The following CERS2 variants were observed in gnomAD, a reference collection of about 807,000 sequenced individuals.
CERS2 encodes LAG1 homolog, ceramide synthase 2.
Under a neutral mutation model 56.6 loss-of-function variants are expected in CERS2, and 20 were observed. That is an observed-to-expected ratio of 0.35 (90% CI 0.25 to 0.51). The LOEUF (loss-of-function observed/expected upper bound fraction) is 0.51, where lower values mean the gene tolerates loss of function less well. Ranked by LOEUF, CERS2 falls within the 20% of genes least tolerant of loss-of-function variation. The pLI is 0.96. For missense variants in CERS2, 361 were observed against 488.6 expected (o/e 0.74, Z 2.46); for synonymous variants, 187 against 175.4 (o/e 1.07, Z -0.52).
Position 150,968,163 on chromosome 1 carries a change from A to G in CERS2, c.330T>C (p.Ser110=). The change falls in exon 4 of 11, where the codon TCT becomes TCC. Residue 110 remains serine (S), a synonymous_variant. Coordinates refer to ENST00000368954, the MANE Select transcript of CERS2 (RefSeq NM_022075.5). ...GGAACCAACGCTCTACCTGGCGGCC[A>G]GAGAGCCCGCTCTGCCGGGACAAAA... ...VELLSRQSGL[S]GRQVERWFRR... 1.2e-6 allele frequency: 2 copies of G among 1,609,612 alleles called. No individual in the cohort carries two copies. The highest frequency in any genetic ancestry group is 1.7e-6 in the Non-Finnish European group (2 of 1,179,994).
chr1:150,967,324 A>G, intron 7 of CERS2, 68 bp downstream of exon 7: 1 of 1,426,804 alleles, frequency 7.0e-7, no homozygotes, highest in Middle Eastern at 1.8e-4. Context: ...CAGAAGTCAA[A>G]GGAGAGGGTG....
chr1:150,969,167 G>A, intron 1 of CERS2, 76 bp from the exon 2 acceptor site: 1 of 1,332,502 alleles, frequency 7.5e-7, no homozygotes, highest in East Asian at 2.3e-5. Flanking sequence ...AAAGTTTTCA[G>A]GATGTATCAA....
intron 1 of CERS2, among the ~76,000 whole-genome samples, chr1:150,973,715 C>A (rs988086180): frequency 1.3e-5 from 2 of 152,232 alleles, no homozygotes; most frequent in Admixed American, 6.5e-5. Flanking sequence ...GGGGTGACTG[C>A]CTGCTGGAGG....
intron 1 of CERS2, among the ~76,000 whole-genome samples, chr1:150,970,658 A>G (rs1571676862): frequency 6.6e-6 from 1 of 152,096 alleles, no homozygotes; most frequent in East Asian, 1.9e-4. Context: ...ACTACCAAGT[A>G]GCACACACCA....
At chr1:150,967,618 A>C in intron 6 of CERS2, 46 bp downstream of exon 6, 1 of 1,529,544 alleles carries the variant, frequency 6.5e-7, no homozygotes, top group South Asian at 1.1e-5. Flanking sequence ...TCTCTTCACT[A>C]GGGTGTGTCT....
rs1671013278 is a variant in CERS2 at position 150,966,301 on chromosome 1, G to A, written c.1003-13C>T. ...CATCTTCTACCAGCTGTGGAAAAGG[G>A]ACAAGAAGGGTTATTACATGAGATC... is the stretch of plus-strand genomic sequence containing the variant. On this transcript the variant is annotated splice_polypyrimidine_tract_variant and intron_variant, in intron 10 of 10. Coordinates refer to ENST00000368954, the MANE Select transcript of CERS2 (RefSeq NM_022075.5). 4 of 1,611,542 alleles carry A rather than the reference G, an allele frequency of 2.5e-6. No individual in the cohort carries two copies. Among genetic ancestry groups the A allele is most frequent in the African/African-American group, 2.7e-5 (2 of 74,658 alleles).
intron 1 of CERS2, among the ~76,000 whole-genome samples, chr1:150,969,625 G>A (rs1671127048): frequency 6.6e-6 from 1 of 151,574 alleles, no homozygotes; most frequent in South Asian, 2.1e-4. Flanking sequence ...GTGATTCCCT[G>A]GAATTAAGAA....
At chr1:150,971,150 TCCCCACC>T (rs1473628761) in intron 1 of CERS2, among the ~76,000 whole-genome samples, 3 of 152,068 alleles carry the variant, frequency 2.0e-5, no homozygotes, top group Non-Finnish European at 2.9e-5. Context: ...TTTTCCAGGC[TCCCCACC>T]CCTTGTTCTC....
chr1:150,969,260 T>C (rs1412774850), intron 1 of CERS2, 169 bp from the exon 2 acceptor site: 7 of 615,278 alleles, frequency 1.1e-5, no homozygotes, highest in Non-Finnish European at 2.0e-5. Flanking sequence ...TCATCTGTAA[T>C]ACGGTGGCTT....
intron 1 of CERS2, among the ~76,000 whole-genome samples, chr1:150,971,444 C>T (rs1671178026): frequency 6.6e-6 from 1 of 151,978 alleles, no homozygotes; most frequent in African/African-American, 2.4e-5. Context: ...CCCCTTGTCC[C>T]CACTCCTGGT....
chr1:150,968,823 G>A, intron 2 of CERS2, 95 bp downstream of exon 2: 2 of 1,241,670 alleles, frequency 1.6e-6, no homozygotes, highest in Non-Finnish European at 2.3e-6. Flanking sequence ...GAACATCAGG[G>A]TCAAGGGCTA....
In CERS2 at chr1:150,966,263, C is replaced by G. The variant is rs1016420014; in HGVS notation, c.1028G>C (p.Arg343Pro). The change falls in exon 11 of 11, where the codon CGG becomes CCG. Residue 343 changes from arginine (R) to proline (P), a missense_variant. Arg to Pro is a moderately radical substitution (Grantham distance 103). Coordinates refer to ENST00000368954, the MANE Select transcript of CERS2 (RefSeq NM_022075.5). ...CCCCTCTGAGCTCTCTGTTTCTTCCCGGTCACTGCGTTCATCTTCTACCAG... is the reference window on the plus strand; with the variant it reads ...CCCCTCTGAGCTCTCTGTTTCTTCCGGGTCACTGCGTTCATCTTCTACCAG... The part of the protein sequence containing the change: ...GKLVEDERSD[R>P]EETESSEGEE... The G allele has an allele frequency of 1.2e-6, 2 of 1,611,342 alleles. No individual in the cohort carries two copies. Among genetic ancestry groups the G allele is most frequent in the Admixed American group, 1.7e-5 (1 of 58,938 alleles).
chr1:150,969,190 G>T, intron 1 of CERS2, 99 bp from the exon 2 acceptor site: 1 of 1,004,770 alleles, frequency 1.0e-6, no homozygotes, highest in Non-Finnish European at 1.5e-6. Context: ...GGAGAAGGGG[G>T]CAGAGAGTCG....
At chr1:150,967,976 T>G (rs1299283926) in intron 4 of CERS2, 99 bp from the exon 5 acceptor site, 2 of 1,375,342 alleles carry the variant, frequency 1.5e-6, no homozygotes. Context: ...CATTAATAAC[T>G]GAATTCACCT....
In CERS2 at chr1:150,966,949, CTG is replaced by C. The variant is rs1184883072; in HGVS notation, c.742-89_742-88del. 43 of 1,432,252 alleles carry C rather than the reference CTG, an allele frequency of 3.0e-5. No homozygotes were observed. In the East Asian group the frequency reaches 8.7e-4, roughly 29 times the overall value. The allele number at this position is 1,432,252 out of a possible 1,614,324, so 88.7% of individuals were successfully genotyped here. A position where few individuals can be genotyped will look rare whatever the true frequency, so the allele number is the denominator to read the frequency against. ...TACACTCCAGTTAGGAGCACTGACT[CTG>C]TGCCCTCCTCCTTGGTCCCAGGAAT... On this transcript the variant is annotated intron_variant, in intron 8 of 10. Coordinates refer to ENST00000368954, the MANE Select transcript of CERS2 (RefSeq NM_022075.5).
At chr1:150,972,477 A>G (rs1031146458) in intron 1 of CERS2, among the ~76,000 whole-genome samples, 2 of 152,190 alleles carry the variant, frequency 1.3e-5, no homozygotes, top group East Asian at 1.9e-4. Flanking sequence ...CAGCACACAG[A>G]TCCAAGCAAG....
At chr1:150,970,329 G>T (rs1671147768) in intron 1 of CERS2, among the ~76,000 whole-genome samples, 1 of 151,564 alleles carries the variant, frequency 6.6e-6, no homozygotes, top group South Asian at 2.1e-4. Flanking sequence ...TGCACACAAG[G>T]TTGACACTCC....
intron 1 of CERS2, 109 bp from the exon 2 acceptor site, chr1:150,969,200 G>C: frequency 1.1e-6 from 1 of 889,926 alleles, no homozygotes; most frequent in Non-Finnish European, 1.7e-6. Context: ...GCAGAGAGTC[G>C]AACTCTAGAT....
chr1:150,967,498 G>C lies in CERS2; in HGVS notation c.520-14C>G, dbSNP rs587691063. On this transcript the variant is annotated splice_polypyrimidine_tract_variant and intron_variant, in intron 6 of 10. Transcript: ENST00000368954. ...AGGGATAGTGCTCTGGGAGAGGAGA[G>C]AGAGGTAAGAGCAACCAGCCGCAAG... The C allele has an allele frequency of 6.6e-7, 1 of 1,515,938 alleles. No individual in the cohort carries two copies. The highest frequency in any genetic ancestry group is 9.2e-7 in the Non-Finnish European group (1 of 1,090,614). The allele number at this position is 1,515,938 out of a possible 1,614,324, so 93.9% of individuals were successfully genotyped here. A position where few individuals can be genotyped will look rare whatever the true frequency, so the allele number is the denominator to read the frequency against.
Sources: gnomAD v4.1 joint callset for allele counts (sites outside exome capture counted in the v4.1 genomes callset) on GRCh38, gnomAD v4.1.1 for gene constraint, MANE v1.5 for transcripts, NCBI Gene and HGNC (gene_info 2026-07-23, HGNC 2026-07-21) for gene names.